Variants in EPB41 observed in about 807,000 individuals in gnomAD.
The protein encoded by EPB41 is erythrocyte membrane protein band 4.1.
EPB41 carries 65 observed loss-of-function variants against 108.0 expected under a neutral mutation model. That is an observed-to-expected ratio of 0.60 (90% CI 0.49 to 0.74). The LOEUF (loss-of-function observed/expected upper bound fraction) is 0.74, where lower values mean the gene tolerates loss of function less well. Ranked by LOEUF, EPB41 falls within the 30% of genes least tolerant of loss-of-function variation. The pLI is 0.00. For missense variants in EPB41, 875 were observed against 1,037.0 expected, an observed-to-expected ratio of 0.84 and a Z score of 2.15; for synonymous variants, 336 against 358.9, an observed-to-expected ratio of 0.94 and a Z score of 0.72.
chr1:28,944,024 A>C (rs1294568354), intron 1 of EPB41, among the ~76,000 whole-genome samples: 2 of 152,236 alleles, frequency 1.3e-5, no homozygotes, highest in African/African-American at 4.8e-5. Context: ...AGTACTATTC[A>C]ACCATAAAAA....
At chr1:28,935,438 A>AACACACACACAC (rs375817878) in intron 1 of EPB41, among the ~76,000 whole-genome samples, 9 of 52,106 alleles carry the variant, frequency 1.7e-4, no homozygotes, top group Non-Finnish European at 2.9e-4. Context: ...CCTGTCTCAA[A>AACACACACACAC]ACACACACAC....
chr1:28,949,927 A>G (rs1461793243), intron 1 of EPB41, among the ~76,000 whole-genome samples: 1 of 152,122 alleles, frequency 6.6e-6, no homozygotes, highest in Non-Finnish European at 1.5e-5. Context: ...TAAGACATTT[A>G]TTTATGGTAC....
intron 1 of EPB41, among the ~76,000 whole-genome samples, chr1:28,904,218 G>C (rs375515377): frequency 2.0e-5 from 3 of 150,064 alleles, no homozygotes; most frequent in African/African-American, 7.4e-5. Context: ...TCAAGTATGG[G>C]ATCATAATGA....
intron 2 of EPB41, among the ~76,000 whole-genome samples, chr1:28,992,820 G>A (rs2096061016): frequency 6.6e-6 from 1 of 152,184 alleles, no homozygotes; most frequent in Non-Finnish European, 1.5e-5. Flanking sequence ...GGGTAGAAAG[G>A]TGTTAGCTGG....
intron 16 of EPB41, chr1:29,071,052 A>G (rs1651109879): frequency 6.5e-6 from 1 of 153,778 alleles, no homozygotes; most frequent in African/African-American, 2.4e-5. Flanking sequence ...TCATAGTTTA[A>G]GAAAAAATTT....
intron 1 of EPB41, among the ~76,000 whole-genome samples, chr1:28,926,061 T>C (rs1413581135): frequency 2.0e-5 from 3 of 146,730 alleles, no homozygotes; most frequent in African/African-American, 7.6e-5. Flanking sequence ...AAAAAAATTA[T>C]AGGCCAGATG....
At position 29,033,973 on chromosome 1, in the gene EPB41, A is replaced by G. The variant is rs891560948; in HGVS notation, c.1365+728A>G. Among the ~76,000 whole-genome samples the G allele has an allele frequency of 4.1e-4, 63 of 152,164 alleles. 4 individuals carry two copies. Among genetic ancestry groups the G allele is most frequent in the Non-Finnish European group, 1.5e-5 (1 of 68,034 alleles). The stretch of plus-strand genomic sequence containing the variant: ...AGTTATTTGAAGATCAAATGAGATG[A>G]CAGCTGTGTAAGTTCTATATAGGAA... On this transcript the variant is annotated intron_variant, in intron 9 of 20. Transcript: ENST00000343067.
intron 10 of EPB41, among the ~76,000 whole-genome samples, chr1:29,037,331 C>T (rs970450961): frequency 2.6e-5 from 4 of 152,034 alleles, no homozygotes; most frequent in Non-Finnish European, 5.9e-5. Flanking sequence ...ATCTGCTCGC[C>T]TCGGCCTCCC....
chr1:28,999,371 A>G (rs1018248964), intron 4 of EPB41, among the ~76,000 whole-genome samples: 2 of 152,166 alleles, frequency 1.3e-5, no homozygotes, highest in African/African-American at 4.8e-5. Context: ...CTCCATCTCA[A>G]AAAAAAGAAA....
chr1:28,950,459 G>A (rs1443508788), intron 1 of EPB41, among the ~76,000 whole-genome samples: 3 of 152,212 alleles, frequency 2.0e-5, no homozygotes, highest in South Asian at 4.1e-4. Flanking sequence ...TAGTGTGAAT[G>A]TTTAAGGCAT....
At chr1:29,086,967 C>T (rs371818896) in intron 16 of EPB41, among the ~76,000 whole-genome samples, 14 of 92,164 alleles carry the variant, frequency 1.5e-4, no homozygotes, top group African/African-American at 4.2e-4. Context: ...TTTTTTGAGA[C>T]AGAGTCTTGC....
chr1:29,068,852 T>G, intron 16 of EPB41: 3 of 1,159,328 alleles, frequency 2.6e-6, no homozygotes, highest in Non-Finnish European at 3.3e-6. Flanking sequence ...AAGCAGATAA[T>G]CCCCCCAGAA....
chr1:28,902,340 T>C (rs573320151), intron 1 of EPB41: 7 of 985,360 alleles, frequency 7.1e-6, no homozygotes, highest in South Asian at 4.7e-5. Context: ...GAATTTCTAG[T>C]TGGGGCTGTT....
intron 15 of EPB41, 120 bp from the exon 16 acceptor site, chr1:29,064,862 T>TAACA (rs1248366835): frequency 8.1e-7 from 1 of 1,236,808 alleles, no homozygotes; most frequent in African/African-American, 1.5e-5. Context: ...TGCAGATTAG[T>TAACA]AACATCTGTC....
intron 17 of EPB41, among the ~76,000 whole-genome samples, chr1:29,106,410 T>C (rs527450087): frequency 6.6e-6 from 1 of 152,128 alleles, no homozygotes; most frequent in Non-Finnish European, 1.5e-5. Flanking sequence ...AGTGCTACGG[T>C]GTAGGCAGAA....
At chr1:29,074,984 C>A (rs1023326842) in intron 16 of EPB41, among the ~76,000 whole-genome samples, 1 of 151,898 alleles carries the variant, frequency 6.6e-6, no homozygotes, top group Non-Finnish European at 1.5e-5. Context: ...TGGTGAAACT[C>A]CGTCTCTACT....
chr1:29,000,167 C>T (rs2096267592), intron 4 of EPB41, among the ~76,000 whole-genome samples: 1 of 151,834 alleles, frequency 6.6e-6, no homozygotes, highest in Non-Finnish European at 1.5e-5. Context: ...GGTGTGATCT[C>T]TGCTCACTGC....
At chr1:28,961,794 C>G (rs1319757047) in intron 1 of EPB41, among the ~76,000 whole-genome samples, 1 of 152,144 alleles carries the variant, frequency 6.6e-6, no homozygotes, top group East Asian at 1.9e-4. Flanking sequence ...CTTTCCAGAT[C>G]CAGGAGTGGA....
chr1:28,964,422 T>C (rs562662538), intron 1 of EPB41, among the ~76,000 whole-genome samples: 1 of 149,260 alleles, frequency 6.7e-6, no homozygotes, highest in South Asian at 2.1e-4. Flanking sequence ...AGCCTGTCAA[T>C]AGAGTGAGAC....
Sources: allele counts gnomAD v4.1 joint callset (sites outside exome capture counted in the v4.1 genomes callset), GRCh38; gene constraint gnomAD v4.1.1; transcripts MANE v1.5; gene names NCBI Gene and HGNC (gene_info 2026-07-23, HGNC 2026-07-21).